The following ADAR variants were observed in gnomAD, a reference collection of about 807,000 sequenced individuals.
ADAR encodes double-stranded RNA-specific adenosine deaminase.
Under a neutral mutation model 113.2 loss-of-function variants are expected in ADAR, and 41 were observed. The observed-to-expected ratio is 0.36, with a 90% confidence interval of 0.28 to 0.47. The LOEUF (loss-of-function observed/expected upper bound fraction) is 0.47, where lower values mean the gene tolerates loss of function less well. Ranked by LOEUF, ADAR falls within the 20% of genes least tolerant of loss-of-function variation. The probability of loss-of-function intolerance (pLI) is 1.00; values close to 1 mark genes in which losing one functional copy is unlikely to be tolerated. For missense variants in ADAR, 1,242 were observed against 1,540.9 expected (o/e 0.81, Z 3.25); for synonymous variants, 605 against 572.6 (o/e 1.06, Z -0.81).
chr1:154,602,280 C>G lies in ADAR; in HGVS notation c.362G>C (p.Arg121Thr). 6 of 1,614,206 alleles carry G rather than the reference C, an allele frequency of 3.7e-6. No individual in the cohort carries two copies. The highest frequency in any genetic ancestry group is 5.1e-6 in the Non-Finnish European group (6 of 1,180,042). ...ATGTGAGGAAAGGCAATCAACACCTCTCTGTGGCAGACTCCTGCCACGTGG... is the reference window on the plus strand; with the variant it reads ...ATGTGAGGAAAGGCAATCAACACCTGTCTGTGGCAGACTCCTGCCACGTGG... ...PSPRGRSLPQ[R>T]GVDCLSSHFQ... Residue 121 changes from arginine (R) to threonine (T), a missense_variant, in exon 2 of 15, where the codon AGA becomes ACA. By Grantham distance (71) the Arg-to-Thr change is moderately conservative. Coordinates refer to ENST00000368474, the MANE Select transcript of ADAR (RefSeq NM_001111.5).
chr1:154,609,233 T>C (rs1326514307), upstream of ADAR, among the ~76,000 whole-genome samples: 1 of 152,196 alleles, frequency 6.6e-6, no homozygotes, highest in Non-Finnish European at 1.5e-5. Context: ...AAGATAACTT[T>C]TGTTATCTAG....
intron 1 of ADAR, among the ~76,000 whole-genome samples, chr1:154,607,281 G>A (rs1698255147): frequency 6.6e-6 from 1 of 152,026 alleles, no homozygotes; most frequent in Non-Finnish European, 1.5e-5. Flanking sequence ...GTTGTTACTT[G>A]TAACAGTATT....
At chr1:154,596,606 A>C (rs1171978391) in intron 6 of ADAR, among the ~76,000 whole-genome samples, 199 bp downstream of exon 6, 2 of 152,148 alleles carry the variant, frequency 1.3e-5, no homozygotes, top group African/African-American at 4.8e-5. Context: ...ATTAAAAAGG[A>C]TCATGCTTAC....
chr1:154,606,007 GTTAT>G (rs1698168087), intron 1 of ADAR: 2 of 940,010 alleles, frequency 2.1e-6, no homozygotes, highest in Non-Finnish European at 2.5e-6. Context: ...TACTCACACG[GTTAT>G]TTTTTTTCTT....
At position 154,602,339 on chromosome 1, in the gene ADAR, A is replaced by G. The variant is rs1697938705; in HGVS notation, c.303T>C (p.Ser101=). Residue 101 remains serine, a synonymous_variant, in exon 2 of 15, where the codon AGT becomes AGC. Transcript: ENST00000368474. Reference sequence around the variant, plus strand: ...GCTGGAACCCTCTCTGGAGCCCCTGACTTCTGAGATGCACGCCCCTGGGGA... The same window carrying G: ...GCTGGAACCCTCTCTGGAGCCCCTGGCTTCTGAGATGCACGCCCCTGGGGA... The part of the protein sequence containing the change: ...RGVPRGVHLR[S]QGLQRGFQHP... 6.2e-6 allele frequency: 10 copies of G among 1,611,070 alleles called. No individual in the cohort carries two copies. The highest frequency in any genetic ancestry group is 7.6e-6 in the Non-Finnish European group (9 of 1,178,364).
At chr1:154,606,724 G>C (rs916986011) in intron 1 of ADAR, among the ~76,000 whole-genome samples, 1 of 152,118 alleles carries the variant, frequency 6.6e-6, no homozygotes, top group Non-Finnish European at 1.5e-5. Context: ...AAATCTCTCA[G>C]CATCACCTCT....
Position 154,585,126 on chromosome 1 carries a change from G to A in ADAR, c.3444-83C>T, listed in dbSNP as rs557095887. 26 of 1,612,302 alleles carry A rather than the reference G, an allele frequency of 1.6e-5. No homozygotes were observed. In the East Asian group the frequency reaches 2.2e-4, roughly 14 times the overall value. On this transcript the variant is annotated intron_variant, in intron 14 of 14. Coordinates refer to ENST00000368474, the MANE Select transcript of ADAR (RefSeq NM_001111.5). The stretch of plus-strand genomic sequence containing the variant: ...GTGGAGACACCGTGGGAGGGGAGGC[G>A]GCTCTCAAGCCCTGAGACTGCAGAG...
At chr1:154,604,703 T>A (rs938725052) in intron 1 of ADAR, among the ~76,000 whole-genome samples, 1 of 152,230 alleles carries the variant, frequency 6.6e-6, no homozygotes, top group Non-Finnish European at 1.5e-5. Context: ...TATAATTTTT[T>A]AATAGCTACT....
At position 154,607,984 on chromosome 1, in the gene ADAR, C is replaced by A. The variant is rs1472298151; in HGVS notation, c.15+8G>T. ...CGGCGGCGAAGGTCCAAGGCCGGCC[C>A]GGCTTACCTGCCGCGGATTCATTGC... On this transcript the variant is annotated splice_region_variant and intron_variant, in intron 1 of 14. Coordinates refer to ENST00000368474, the MANE Select transcript of ADAR (RefSeq NM_001111.5). The A allele has an allele frequency of 1.2e-6, 2 of 1,609,724 alleles. No homozygotes were observed. Among genetic ancestry groups the A allele is most frequent in the African/African-American group, 1.3e-5 (1 of 74,956 alleles).
chr1:154,596,065 C>A (rs1697473253), intron 6 of ADAR, among the ~76,000 whole-genome samples: 2 of 152,176 alleles, frequency 1.3e-5, no homozygotes, highest in Admixed American at 6.5e-5. Context: ...TGTAGGAGCC[C>A]ATGCCATCTA....
intron 9 of ADAR, 40 bp from the exon 10 acceptor site, chr1:154,588,713 C>A (rs1399107277): frequency 6.2e-7 from 1 of 1,613,466 alleles, no homozygotes; most frequent in Admixed American, 1.7e-5. Flanking sequence ...AGGTTCAATT[C>A]TGGGAAAAGC....
At chr1:154,597,090 G>A (rs1319413626) in intron 5 of ADAR, 33 bp downstream of exon 5, 1 of 1,614,044 alleles carries the variant, frequency 6.2e-7, no homozygotes, top group Non-Finnish European at 8.5e-7. Flanking sequence ...TGCTAAAAAT[G>A]ACCTGTATCT....
intron 1 of ADAR, among the ~76,000 whole-genome samples, chr1:154,606,947 A>AAAAAAAT (rs1553214982): frequency 2.6e-4 from 39 of 148,432 alleles, no homozygotes; most frequent in Non-Finnish European, 3.9e-4. Flanking sequence ...AAAAAAAAAA[A>AAAAAAAT]ATATATATAT....
intron 1 of ADAR, among the ~76,000 whole-genome samples, chr1:154,623,329 C>A (rs1698844234): frequency 6.6e-6 from 1 of 152,128 alleles, no homozygotes; most frequent in Admixed American, 6.5e-5. Flanking sequence ...ACGGAGAGCA[C>A]ATAATGGATG....
At chr1:154,592,893 T>C (rs1697240945) in intron 6 of ADAR, among the ~76,000 whole-genome samples, 1 of 151,792 alleles carries the variant, frequency 6.6e-6, no homozygotes, top group Non-Finnish European at 1.5e-5. Flanking sequence ...CCCAGCACTT[T>C]GGGAGGCTGA....
intron 11 of ADAR, among the ~76,000 whole-genome samples, chr1:154,587,403 A>G (rs1428955364): frequency 6.6e-6 from 1 of 152,168 alleles, no homozygotes; most frequent in Non-Finnish European, 1.5e-5. Flanking sequence ...CAGCTGATGG[A>G]CGTCTGGGTT....
At chr1:154,600,812 G>C in intron 2 of ADAR, 1 of 620,416 alleles carries the variant, frequency 1.6e-6, no homozygotes, top group Non-Finnish European at 2.8e-6. Flanking sequence ...ACAGCCAACA[G>C]AGTCAACCTC....
In ADAR at chr1:154,597,126, G is replaced by T; in HGVS notation, c.2076C>A (p.Asn692Lys). 6.2e-7 allele frequency: 1 copy of T among 1,614,136 alleles called. No individual in the cohort carries two copies. Among genetic ancestry groups the T allele is most frequent in the Non-Finnish European group, 8.5e-7 (1 of 1,180,034 alleles). ...GEATNSMASD[N>K]QPEGMISESL... Reference sequence around the variant, plus strand: ...TTTGAGTAGGAAAACGCCCTACCTGGTTATCAGAAGCCATGGAGTTGGTCG... The same window carrying T: ...TTTGAGTAGGAAAACGCCCTACCTGTTTATCAGAAGCCATGGAGTTGGTCG... The change falls in exon 5 of 15, where the codon AAC becomes AAA. Residue 692 changes from asparagine to lysine, a missense_variant. Coordinates refer to ENST00000368474, the MANE Select transcript of ADAR (RefSeq NM_001111.5).
Position 154,601,276 on chromosome 1 carries a change from T to G in ADAR, c.1366A>C (p.Thr456Pro). Reference protein sequence around the residue: ...YVDFENGQWATDDIPDDLNSI... With the variant: ...YVDFENGQWAPDDIPDDLNSI... ...TTCAAGTCATCTGGGATGTCATCTG[T>G]GGCCCACTGGCCATTTTCAAAGTCA... The change falls in exon 2 of 15, where the codon ACA (threonine) becomes CCA (proline). Residue 456 changes from threonine (T) to proline (P), a missense_variant. Thr to Pro is a conservative substitution (Grantham distance 38). Around this residue, in one of 2 missense-constraint regions of ADAR, gnomAD observed 780 missense variants for 1,057.9 expected, o/e 0.74. Transcript: ENST00000368474. The surrounding 1 kb of genome is among the most constrained non-coding windows in gnomAD (Gnocchi z 4.7). 2 of 1,614,258 alleles carry G rather than the reference T, an allele frequency of 1.2e-6. No individual in the cohort carries two copies. The highest frequency in any genetic ancestry group is 1.7e-6 in the Non-Finnish European group (2 of 1,180,048).
Sources: gnomAD v4.1 joint callset for allele counts (sites outside exome capture counted in the v4.1 genomes callset) on GRCh38, gnomAD v4.1.1 for gene constraint, gnomAD v4.1.1 regional missense constraint, Gnocchi (gnomAD v3.1) non-coding constraint, MANE v1.5 for transcripts, NCBI Gene and HGNC (gene_info 2026-07-23, HGNC 2026-07-21) for gene names.